The following MROH7 variants were observed in gnomAD, a reference collection of about 807,000 sequenced individuals.
MROH7 encodes maestro heat like repeat family member 7.
In MROH7, 113 loss-of-function variants were observed where a neutral mutation model predicts 129.2. The ratio of observed to expected loss-of-function variants is 0.87; its 90% CI spans 0.75 to 1.02. The LOEUF (loss-of-function observed/expected upper bound fraction) is 1.02, where lower values mean the gene tolerates loss of function less well. Ranked by LOEUF, MROH7 falls within the 50% of genes least tolerant of loss-of-function variation. MROH7 has a pLI of 0.00. For missense variants in MROH7, 1,601 were observed against 1,671.3 expected (o/e 0.96, Z 0.73); for synonymous variants, 655 against 667.9 (o/e 0.98, Z 0.30).
rs1394424480 is a variant in MROH7, at chr1:54,686,403, A to T, written c.2666A>T (p.Lys889Met). Residue 889 changes from lysine to methionine, a missense_variant, in exon 15 of 24, where the codon AAG becomes ATG. Coordinates refer to ENST00000421030, the MANE Select transcript of MROH7 (RefSeq NM_001039464.4). ...CTGCCTGGCTGCGTGGCTCCTCCCA[A>T]GGACACCAAGAAGGGTGCACAGCCC... ...LNLPGCVAPP[K>M]DTKKGAQPSP... is the part of the protein sequence containing the mutation. 7.4e-6 allele frequency: 12 copies of T among 1,614,090 alleles called. No homozygotes were observed. Among genetic ancestry groups the T allele is most frequent in the Non-Finnish European group, 1.0e-5 (12 of 1,180,022 alleles).
In MROH7 at chr1:54,668,950, C is replaced by G. The variant is rs116481805; in HGVS notation, c.1389+13C>G. Reference sequence around the variant, plus strand: ...AAAGAAGATTATGGTGGGGGAGCCACAGGCGGGTCTGTGGCATTGGGGTGG... The same window carrying G: ...AAAGAAGATTATGGTGGGGGAGCCAGAGGCGGGTCTGTGGCATTGGGGTGG... On this transcript the variant is annotated intron_variant, in intron 5 of 23. Transcript: ENST00000421030. 1.4e-3 allele frequency: 2,253 copies of G among 1,597,550 alleles called. 24 individuals carry two copies. The African/African-American group carries it at 0.023, about 16-fold the overall frequency.
chr1:54,653,178 T>C lies in MROH7; in HGVS notation c.252T>C (p.Asp84=). The change falls in exon 3 of 24, where the codon GAT becomes GAC. Residue 84 remains aspartate, a synonymous_variant. Transcript: ENST00000421030. ...GLVSENTPRP[D]DSRAIAPASL... The stretch of plus-strand genomic sequence containing the variant: ...TGTCTGAAAACACCCCCAGACCTGA[T>C]GACAGCAGAGCTATCGCTCCAGCCT... 2.5e-6 allele frequency: 4 copies of C among 1,614,208 alleles called. No homozygotes were observed. In the South Asian group the frequency reaches 3.3e-5, roughly 13 times the overall value.
At chr1:54,642,000 A>T (rs1012159115) in intron 1 of MROH7, 32 bp downstream of exon 1, 2 of 152,240 alleles carry the variant, frequency 1.3e-5, no homozygotes, top group African/African-American at 4.8e-5. Context: ...GAGCAGCCCA[A>T]GGCTCACAGA....
At position 54,702,179 on chromosome 1, in the gene MROH7, G is replaced by A. The variant is rs771237172; in HGVS notation, c.3375G>A (p.Glu1125=). The change falls in exon 20 of 24, where the codon GAG becomes GAA. Residue 1125 remains glutamate (E), a synonymous_variant. Coordinates refer to ENST00000421030, the MANE Select transcript of MROH7 (RefSeq NM_001039464.4). The part of the protein sequence containing the change: ...LRAPRTQAME[E]QLVSTLVPLL... ...CACCACGCACTCAGGCCATGGAGGA[G>A]CAGCTGGTCAGCACCTTGGTGCCCC... The A allele has an allele frequency of 1.2e-6, 2 of 1,605,512 alleles. No homozygotes were observed. Among genetic ancestry groups the A allele is most frequent in the Non-Finnish European group, 1.7e-6 (2 of 1,176,432 alleles).
chr1:54,692,285 G>A (rs1165525245), intron 15 of MROH7, 139 bp from the exon 16 acceptor site: 1 of 1,060,074 alleles, frequency 9.4e-7, no homozygotes, highest in Non-Finnish European at 1.4e-6. Context: ...GCCACCCTTT[G>A]TGGATACACT....
At chr1:54,693,033 TTAAAG>T (rs1255070314) in intron 16 of MROH7, among the ~76,000 whole-genome samples, 1 of 152,176 alleles carries the variant, frequency 6.6e-6, no homozygotes, top group East Asian at 1.9e-4. Context: ...TGAGGATTAA[TTAAAG>T]TACTTTGAAT....
rs554226504 is a variant in MROH7 at position 54,673,477 on chromosome 1, T to C, written c.1696-224T>C. ...CGTCTCTCTTCTGTCTTCATGACTC[T>C]TCACTCTTCATCTGTCTCCTCATTG... is the stretch of plus-strand genomic sequence containing the variant. On this transcript the variant is annotated intron_variant, in intron 8 of 23. Transcript: ENST00000421030. Among the ~76,000 whole-genome samples, 4 of 152,264 alleles carry C rather than the reference T, an allele frequency of 2.6e-5. No homozygotes were observed. In the East Asian group the frequency reaches 7.8e-4, roughly 30 times the overall value.
At chr1:54,652,091 G>A (rs1414775986) in intron 2 of MROH7, 108 bp downstream of exon 2, 3 of 152,568 alleles carry the variant, frequency 2.0e-5, no homozygotes, top group African/African-American at 7.2e-5. Flanking sequence ...TGTTAAGGCA[G>A]GTGTTTGACA....
In MROH7 at chr1:54,680,047, T is replaced by TTG; in HGVS notation, c.2381+2_2381+3insTG. 6.2e-7 allele frequency: 1 copy of TTG among 1,612,932 alleles called. No homozygotes were observed. Among genetic ancestry groups the TTG allele is most frequent in the Non-Finnish European group, 8.5e-7 (1 of 1,179,178 alleles). ...CATGTGCCCCCTCCCACTGAACAGG[T>TTG]ACCAAGTGAAGGGGTTCCCAGCCAC... is the stretch of plus-strand genomic sequence containing the variant. On this transcript the variant is annotated splice_region_variant and intron_variant, in intron 13 of 23. Coordinates refer to ENST00000421030, the MANE Select transcript of MROH7 (RefSeq NM_001039464.4).
intron 15 of MROH7, among the ~76,000 whole-genome samples, chr1:54,688,232 A>ATTTT (rs903515362): frequency 6.0e-5 from 8 of 132,280 alleles, no homozygotes; most frequent in African/African-American, 1.7e-4. Context: ...AAAAAAAAAA[A>ATTTT]TTTTTTTTTT....
chr1:54,654,669 G>A (rs150713739), intron 3 of MROH7, among the ~76,000 whole-genome samples: 15 of 134,872 alleles, frequency 1.1e-4, no homozygotes, highest in East Asian at 4.5e-4. Context: ...GCAAAACTCC[G>A]TCTCAAAAAA....
At position 54,654,093 on chromosome 1, in the gene MROH7, G is replaced by A. The variant is rs757939515; in HGVS notation, c.1167G>A (p.Pro389=). 1.2e-5 allele frequency: 20 copies of A among 1,613,784 alleles called. No individual in the cohort carries two copies. Among genetic ancestry groups the A allele is most frequent in the African/African-American group, 2.7e-5 (2 of 74,910 alleles). Residue 389 remains proline (P), a synonymous_variant, in exon 3 of 24, where the codon CCG becomes CCA. Coordinates refer to ENST00000421030, the MANE Select transcript of MROH7 (RefSeq NM_001039464.4). ...EMASIKVGQF[P]LGFPISNPAG... ...CCAGCATTAAGGTGGGCCAGTTCCC[G>A]CTGGGATTCCCCATCTCCAACCCCG...
chr1:54,673,171 G>A lies in MROH7; in HGVS notation c.1680G>A (p.Leu560=). Residue 560 remains leucine (L), a synonymous_variant, in exon 8 of 24, where the codon CTG becomes CTA. Transcript: ENST00000421030. ...LFIEDPTPAG[L]KSILEALGPW... is the part of the protein sequence containing the mutation. ...TCGAGGACCCCACTCCTGCTGGGCTGAAGAGCATCTTGGAGGTGCGGAGAT... is the reference window on the plus strand; with the variant it reads ...TCGAGGACCCCACTCCTGCTGGGCTAAAGAGCATCTTGGAGGTGCGGAGAT... 6.2e-7 allele frequency: 1 copy of A among 1,613,418 alleles called. No individual in the cohort carries two copies. The highest frequency in any genetic ancestry group is 8.5e-7 in the Non-Finnish European group (1 of 1,179,528).
intron 14 of MROH7, among the ~76,000 whole-genome samples, chr1:54,684,430 T>C (rs1189912349): frequency 6.6e-6 from 1 of 152,278 alleles, no homozygotes; most frequent in African/African-American, 2.4e-5. Flanking sequence ...CCCTTGCAAT[T>C]TGGGCATTCA....
At chr1:54,647,623 C>G (rs552342897) in intron 1 of MROH7, among the ~76,000 whole-genome samples, 1 of 152,148 alleles carries the variant, frequency 6.6e-6, no homozygotes, top group Non-Finnish European at 1.5e-5. Flanking sequence ...ACCTGTAATC[C>G]CAGCTACTGG....
chr1:54,682,604 T>C, intron 13 of MROH7, 52 bp from the exon 14 acceptor site: 2 of 1,571,746 alleles, frequency 1.3e-6, no homozygotes, highest in Non-Finnish European at 1.7e-6. Context: ...GGAGGCTGGG[T>C]TAGCCCCACT....
chr1:54,695,643 C>T, intron 17 of MROH7, 153 bp downstream of exon 17: 1 of 689,778 alleles, frequency 1.4e-6, no homozygotes, highest in Non-Finnish European at 2.7e-6. Flanking sequence ...TGTTGGTCTC[C>T]CTCCCTCCCC....
Position 54,695,361 on chromosome 1 carries a change from C to A in MROH7, c.2850-15C>A, listed in dbSNP as rs142592970. 4 of 1,553,744 alleles carry A rather than the reference C, an allele frequency of 2.6e-6. No individual in the cohort carries two copies. The highest frequency in any genetic ancestry group is 2.3e-5 in the South Asian group (2 of 87,778). On this transcript the variant is annotated splice_polypyrimidine_tract_variant and intron_variant, in intron 16 of 23. Coordinates refer to ENST00000421030, the MANE Select transcript of MROH7 (RefSeq NM_001039464.4). ...CTGGATACCTGAGGGGACTACTCCCCCTTCCCACCCCCAGGGCCATGGTGC... is the reference window on the plus strand; with the variant it reads ...CTGGATACCTGAGGGGACTACTCCCACTTCCCACCCCCAGGGCCATGGTGC...
chr1:54,708,858 G>T (rs756878689), intron 22 of MROH7, among the ~76,000 whole-genome samples, 156 bp from the exon 23 acceptor site: 20 of 150,226 alleles, frequency 1.3e-4, no homozygotes, highest in Non-Finnish European at 2.5e-4. Context: ...CCCTCTTGGG[G>T]AATCTGTCCC....
Sources: allele counts gnomAD v4.1 joint callset (sites outside exome capture counted in the v4.1 genomes callset), GRCh38; gene constraint gnomAD v4.1.1; transcripts MANE v1.5; gene names NCBI Gene and HGNC (gene_info 2026-07-23, HGNC 2026-07-21).